The following USP32 variants were observed in gnomAD, a reference collection of about 807,000 sequenced individuals.
The protein encoded by USP32 is ubiquitin specific peptidase 32.
In USP32, 59 loss-of-function variants were observed where a neutral mutation model predicts 204.8. That is an observed-to-expected ratio of 0.29 (90% CI 0.23 to 0.36). USP32 has a LOEUF of 0.36. USP32 is among the 10% of genes least tolerant of loss of function. The pLI, the probability that USP32 is intolerant of heterozygous loss-of-function variation, is 1.00. For missense variants in USP32, 1,160 were observed against 1,946.4 expected, an observed-to-expected ratio of 0.60 and a Z score of 7.60; for synonymous variants, 517 against 678.4, an observed-to-expected ratio of 0.76 and a Z score of 3.70.
At chr17:60,416,618 CTTAG>C (rs2090064271) in intron 1 of USP32, among the ~76,000 whole-genome samples, 1 of 152,042 alleles carries the variant, frequency 6.6e-6, no homozygotes, top group Non-Finnish European at 1.5e-5. Flanking sequence ...TTTGTTTTGT[CTTAG>C]TTAATGTTGA....
At chr17:60,372,717 C>CA (rs1388269000) in intron 1 of USP32, among the ~76,000 whole-genome samples, 2 of 150,386 alleles carry the variant, frequency 1.3e-5, no homozygotes, top group Admixed American at 6.6e-5. Flanking sequence ...GGCTTGGTGG[C>CA]ATGTGCCTCC....
intron 11 of USP32, among the ~76,000 whole-genome samples, chr17:60,244,038 T>G (rs911544407): frequency 2.2e-5 from 3 of 136,110 alleles, no homozygotes; most frequent in Admixed American, 1.4e-4. Flanking sequence ...TGTTTTTTTT[T>G]TTTTTTTTTT....
chr17:60,419,594 G>T (rs747859450), intron 1 of USP32, among the ~76,000 whole-genome samples: 6 of 151,608 alleles, frequency 4.0e-5, no homozygotes, highest in East Asian at 2.0e-4. Context: ...TTAGCCGGGC[G>T]TGGTGGCAGG....
chr17:60,229,996 T>C (rs1336950806), intron 12 of USP32, among the ~76,000 whole-genome samples: 1 of 152,120 alleles, frequency 6.6e-6, no homozygotes, highest in Non-Finnish European at 1.5e-5. Flanking sequence ...GTATTTCTGG[T>C]GGAGACAGGG....
intron 29 of USP32, among the ~76,000 whole-genome samples, chr17:60,190,004 C>T (rs1443936679): frequency 6.6e-6 from 1 of 152,124 alleles, no homozygotes; most frequent in Admixed American, 6.5e-5. Flanking sequence ...CCCAATGTGG[C>T]GTTGTTAGGA....
At chr17:60,329,383 G>A (rs774880977) in intron 2 of USP32, among the ~76,000 whole-genome samples, 30 of 151,454 alleles carry the variant, frequency 2.0e-4, no homozygotes, top group Admixed American at 4.6e-4. Context: ...TATATGCTAG[G>A]TATGAGCCCA....
intron 1 of USP32, among the ~76,000 whole-genome samples, chr17:60,369,227 C>T (rs946462106): frequency 7.3e-6 from 1 of 137,440 alleles, no homozygotes; most frequent in African/African-American, 3.5e-5. Flanking sequence ...ATCTCCTGAC[C>T]TCGTGATCCG....
chr17:60,331,957 T>C (rs577196646), intron 2 of USP32, among the ~76,000 whole-genome samples: 4 of 150,530 alleles, frequency 2.7e-5, no homozygotes, highest in African/African-American at 7.3e-5. Flanking sequence ...AAGTATACAA[T>C]TGAGGTCAGG....
intron 1 of USP32, among the ~76,000 whole-genome samples, chr17:60,401,263 A>C (rs566830150): frequency 1.4e-4 from 21 of 151,806 alleles, no homozygotes; most frequent in Non-Finnish European, 2.9e-4. Flanking sequence ...CCAGCTACTC[A>C]GGAGGCTGAG....
intron 26 of USP32, among the ~76,000 whole-genome samples, chr17:60,201,916 C>T (rs1258138794): frequency 3.3e-5 from 5 of 152,342 alleles, no homozygotes; most frequent in African/African-American, 1.2e-4. Flanking sequence ...CTCGGCCTCT[C>T]AAAGTGCTGG....
At chr17:60,417,747 T>G (rs2090073267) in intron 1 of USP32, among the ~76,000 whole-genome samples, 1 of 151,684 alleles carries the variant, frequency 6.6e-6, no homozygotes. Flanking sequence ...TGAGCCATTG[T>G]GCCCAGCCTG....
In USP32 at chr17:60,279,133, C is replaced by A. The variant is rs180920174; in HGVS notation, c.572-7652G>T. ...CTGACTCAACATCATCATCGAGATG[C>A]TCAGCATCATCACAAACATCATATC... On this transcript the variant is annotated intron_variant, in intron 5 of 33. Transcript: ENST00000300896. Among the ~76,000 whole-genome samples, 364 of 152,298 alleles carry A rather than the reference C, an allele frequency of 2.4e-3. 12 individuals are homozygous for A. The South Asian group carries it at 0.038, about 16-fold the overall frequency.
Position 60,398,896 on chromosome 17 carries a change from A to G in USP32, c.106+23350T>C, listed in dbSNP as rs1874510595. On this transcript the variant is annotated intron_variant, in intron 1 of 3. Coordinates refer to the USP32 transcript ENST00000588898. ...CTTGGGAGGCTAAACTGGGGAGAGC[A>G]CTTGAATCCAGGAATTTGAGGCTGC... Among the ~76,000 whole-genome samples, 6 of 152,064 alleles carry G rather than the reference A, an allele frequency of 3.9e-5. No individual in the cohort carries two copies. In the South Asian group the frequency reaches 1.2e-3, roughly 32 times the overall value.
intron 1 of USP32, among the ~76,000 whole-genome samples, chr17:60,351,147 TGA>T (rs2088937268): frequency 6.6e-6 from 1 of 151,540 alleles, no homozygotes; most frequent in African/African-American, 2.4e-5. Flanking sequence ...AAGGTGAGGC[TGA>T]GAAAAAAAAA....
chr17:60,269,372 C>T lies in USP32; in HGVS notation c.811+78G>A, dbSNP rs1428138551. ...TTATAAAAATTCAAGCCTTAATCCA[C>T]AGATAATTTTACATTGATGAAAACT... On this transcript the variant is annotated intron_variant, in intron 7 of 33. Transcript: ENST00000300896. 2.6e-5 allele frequency: 28 copies of T among 1,076,706 alleles called. No homozygotes were observed. In the South Asian group the frequency reaches 3.4e-4, roughly 13 times the overall value. 66.7% of individuals were successfully genotyped at this position (1,076,706 alleles called of 1,614,324 possible). A position where few individuals can be genotyped will look rare whatever the true frequency, so the allele number is the denominator to read the frequency against.
At chr17:60,294,114 C>CA (rs2087361161) in intron 4 of USP32, among the ~76,000 whole-genome samples, 1 of 152,066 alleles carries the variant, frequency 6.6e-6, no homozygotes, top group Non-Finnish European at 1.5e-5. Flanking sequence ...CTACATTGTC[C>CA]AGGCTGGTCT....
At chr17:60,390,304 G>A (rs777960783) in intron 1 of USP32, among the ~76,000 whole-genome samples, 1 of 152,166 alleles carries the variant, frequency 6.6e-6, no homozygotes, top group African/African-American at 2.4e-5. Context: ...TCAAACTTAA[G>A]AAACACTTCT....
At chr17:60,188,631 A>G (rs1057347730) in intron 29 of USP32, among the ~76,000 whole-genome samples, 42 of 152,350 alleles carry the variant, frequency 2.8e-4, no homozygotes, top group African/African-American at 9.9e-4. Flanking sequence ...TGAGACAAAT[A>G]TAAGTTGTTA....
chr17:60,218,318 A>G (rs2085157203), intron 16 of USP32, among the ~76,000 whole-genome samples: 1 of 152,116 alleles, frequency 6.6e-6, no homozygotes, highest in African/African-American at 2.4e-5. Context: ...TGGGAGGCGG[A>G]GCTTGCAGTG....
Sources: gnomAD v4.1 joint callset for allele counts (sites outside exome capture counted in the v4.1 genomes callset) on GRCh38, gnomAD v4.1.1 for gene constraint, MANE v1.5 for transcripts, NCBI Gene and HGNC (gene_info 2026-07-23, HGNC 2026-07-21) for gene names.